Variants in RPL39L observed in about 807,000 individuals in gnomAD.
RPL39L encodes ribosomal protein eL39-like 2.
For synonymous variants in RPL39L, 16 were observed against 20.1 expected (o/e 0.80, Z 0.55); for missense variants, 48 against 58.9 (o/e 0.81, Z 0.61).
intron 2 of RPL39L, 90 bp downstream of exon 2, chr3:187,127,909 A>G (rs891341628): frequency 1.3e-5 from 2 of 152,380 alleles, no homozygotes; most frequent in South Asian, 4.1e-4. Flanking sequence ...AAAACTAAAA[A>G]GAAACTATCT....
chr3:187,131,870 A>C (rs992080455), intron 1 of RPL39L, among the ~76,000 whole-genome samples: 1 of 152,220 alleles, frequency 6.6e-6, no homozygotes, highest in African/African-American at 2.4e-5. Context: ...AAATGTTCCC[A>C]GTTTTAAGAT....
At chr3:187,138,190 GAATT>G (rs2108471731) in intron 1 of RPL39L, among the ~76,000 whole-genome samples, 2 of 152,126 alleles carry the variant, frequency 1.3e-5, no homozygotes, top group African/African-American at 4.8e-5. Flanking sequence ...AGAAAATTGA[GAATT>G]AAGGCCAGGC....
intron 1 of RPL39L, among the ~76,000 whole-genome samples, chr3:187,128,687 T>C (rs906612728): frequency 5.3e-5 from 8 of 152,162 alleles, no homozygotes; most frequent in African/African-American, 1.9e-4. Context: ...GTAACAGTTA[T>C]TATAGTTACT....
chr3:187,122,788 C>A (rs574856802), intron 2 of RPL39L, among the ~76,000 whole-genome samples: 1 of 152,242 alleles, frequency 6.6e-6, no homozygotes, highest in Admixed American at 6.5e-5. Context: ...TAACCCCACA[C>A]AAATCAGGTT....
chr3:187,136,403 ACAAT>A (rs139782024), intron 1 of RPL39L, among the ~76,000 whole-genome samples: 3,698 of 152,312 alleles, frequency 0.024, 155 homozygotes, highest in African/African-American at 0.085. Flanking sequence ...GCAAAACTGG[ACAAT>A]CAAACAGCCA....
chr3:187,136,591 G>A (rs1251193433), intron 1 of RPL39L, among the ~76,000 whole-genome samples: 1 of 151,970 alleles, frequency 6.6e-6, no homozygotes, highest in Non-Finnish European at 1.5e-5. Context: ...GATCGCATAG[G>A]ATAAGAGTAG....
intron 2 of RPL39L, among the ~76,000 whole-genome samples, chr3:187,121,626 A>G (rs1011007116): frequency 3.3e-5 from 5 of 152,214 alleles, no homozygotes; most frequent in Non-Finnish European, 5.9e-5. Context: ...TTAAATGTCC[A>G]TCAAGAGGAA....
At chr3:187,131,354 T>A (rs1720483069) in intron 1 of RPL39L, among the ~76,000 whole-genome samples, 1 of 152,060 alleles carries the variant, frequency 6.6e-6, no homozygotes, top group African/African-American at 2.4e-5. Flanking sequence ...CTGACCAACA[T>A]GGTAAAACCC....
At chr3:187,138,014 G>A (rs1391437950) in intron 1 of RPL39L, among the ~76,000 whole-genome samples, 3 of 152,162 alleles carry the variant, frequency 2.0e-5, no homozygotes, top group Non-Finnish European at 2.9e-5. Flanking sequence ...TTCTGAAATT[G>A]AGAAGGCGTG....
chr3:187,128,126 T>C (rs1462333228), intron 1 of RPL39L, 64 bp from the exon 2 acceptor site: 2 of 152,342 alleles, frequency 1.3e-5, no homozygotes, highest in South Asian at 2.1e-4. Context: ...AGTTAAACCT[T>C]ACCTGTGGGT....
In RPL39L at chr3:187,121,408, C is replaced by T. The variant is rs1720307426; in HGVS notation, c.-28-80G>A. ...AAGGTAACATGAAGAAATAACAAGA[C>T]AAGAAAGAGGATCTTTAGTGCCACA... On this transcript the variant is annotated intron_variant, in intron 2 of 2. Coordinates refer to ENST00000296277, the MANE Select transcript of RPL39L (RefSeq NM_052969.3). 7.9e-6 allele frequency: 11 copies of T among 1,387,442 alleles called. No individual in the cohort carries two copies. The African/African-American group carries it at 8.7e-5, about 11-fold the overall frequency. The allele number at this position is 1,387,442 out of a possible 1,614,324, so 85.9% of individuals were successfully genotyped here.
chr3:187,129,842 CCTT>C (rs1720457097), intron 1 of RPL39L, among the ~76,000 whole-genome samples: 1 of 124,566 alleles, frequency 8.0e-6, no homozygotes, highest in Non-Finnish European at 1.6e-5. Context: ...TCCCCTCCAC[CCTT>C]TTTTTTTTTT....
chr3:187,137,198 CAAAAA>C (rs33967617), intron 1 of RPL39L, among the ~76,000 whole-genome samples: 99 of 37,630 alleles, frequency 2.6e-3, no homozygotes, highest in Non-Finnish European at 3.8e-3. Context: ...CACTCTTCCT[CAAAAA>C]AAAAAAAAAA....
chr3:187,134,373 GAGGCC>G (rs1720536159), intron 1 of RPL39L, among the ~76,000 whole-genome samples: 1 of 151,590 alleles, frequency 6.6e-6, no homozygotes, highest in Admixed American at 6.6e-5. Flanking sequence ...CTAGAGGGTG[GAGGCC>G]AGGGATGCTG....
At chr3:187,123,724 T>A (rs1720350821) in intron 2 of RPL39L, among the ~76,000 whole-genome samples, 1 of 152,206 alleles carries the variant, frequency 6.6e-6, no homozygotes, top group Admixed American at 6.5e-5. Flanking sequence ...TGTTTGAAAG[T>A]CTTCTGTAAG....
chr3:187,122,893 G>A (rs1482919371), intron 2 of RPL39L, among the ~76,000 whole-genome samples: 1 of 152,138 alleles, frequency 6.6e-6, no homozygotes, highest in African/African-American at 2.4e-5. Context: ...GGATACTTCT[G>A]TGAATTTCAG....
At chr3:187,138,964 C>T (rs1266035928) in intron 1 of RPL39L, among the ~76,000 whole-genome samples, 1 of 152,114 alleles carries the variant, frequency 6.6e-6, no homozygotes, top group African/African-American at 2.4e-5. Context: ...GAGGCTAAGG[C>T]GGGAGAATCG....
intron 1 of RPL39L, among the ~76,000 whole-genome samples, chr3:187,134,176 G>A (rs1439072287): frequency 6.6e-6 from 1 of 151,930 alleles, no homozygotes; most frequent in Non-Finnish European, 1.5e-5. Context: ...AATGACCAGA[G>A]GGGAATTTCA....
intron 2 of RPL39L, among the ~76,000 whole-genome samples, chr3:187,123,682 G>A (rs184312286): frequency 2.0e-3 from 301 of 152,338 alleles, no homozygotes; most frequent in South Asian, 7.3e-3. Flanking sequence ...GGGAACCCTG[G>A]TTGTACTGGT....
Sources: gnomAD v4.1 joint callset for allele counts (sites outside exome capture counted in the v4.1 genomes callset) on GRCh38, gnomAD v4.1.1 for gene constraint, MANE v1.5 for transcripts, NCBI Gene and HGNC (gene_info 2026-07-23, HGNC 2026-07-21) for gene names.